The following ZBTB20 variants were observed in gnomAD, a reference collection of about 807,000 sequenced individuals.
ZBTB20 encodes the protein zinc finger and BTB domain containing 20.
ZBTB20 carries 9 observed loss-of-function variants against 56.9 expected under a neutral mutation model. The observed-to-expected ratio is 0.16, with a 90% CI of 0.10 to 0.28. The LOEUF (loss-of-function observed/expected upper bound fraction) is 0.28, where lower values mean the gene tolerates loss of function less well. Ranked by LOEUF, ZBTB20 falls within the 10% of genes least tolerant of loss-of-function variation. ZBTB20 has a pLI of 1.00. For missense variants in ZBTB20, 655 were observed against 1,003.0 expected (o/e 0.65, Z 4.69); for synonymous variants, 417 against 420.7 (o/e 0.99, Z 0.11).
At chr3:114,771,352 T>C (rs553488925) in intron 5 of ZBTB20, among the ~76,000 whole-genome samples, 2 of 152,294 alleles carry the variant, frequency 1.3e-5, no homozygotes, top group South Asian at 4.1e-4. Context: ...ATTAGATTTA[T>C]TAAATAACTA....
rs150447469 is a variant in ZBTB20 at position 115,061,142 on chromosome 3, A to G, written c.-507+10077T>C. On this transcript the variant is annotated intron_variant, in intron 2 of 11. Coordinates refer to ENST00000675478, the MANE Select transcript of ZBTB20 (RefSeq NM_001348800.3). ...CAGCAGTGTGGCTTGAAAAAGATAT[A>G]TTTACTTTCAGTTAACACATCTATA... Among the ~76,000 whole-genome samples, 106 of 152,216 alleles carry G rather than the reference A, an allele frequency of 7.0e-4. 2 individuals carry two copies. The East Asian group carries it at 0.016, about 23-fold the overall frequency.
At chr3:114,845,841 A>AT (rs1260940317) in intron 4 of ZBTB20, among the ~76,000 whole-genome samples, 1 of 152,178 alleles carries the variant, frequency 6.6e-6, no homozygotes, top group Non-Finnish European at 1.5e-5. Context: ...TTGGGCAGTG[A>AT]TTTTTTAATG....
At chr3:114,969,377 C>T (rs1225671174) in intron 3 of ZBTB20, among the ~76,000 whole-genome samples, 1 of 151,990 alleles carries the variant, frequency 6.6e-6, no homozygotes, top group Admixed American at 6.5e-5. Context: ...ACTGATACAT[C>T]GATCCTTGAA....
chr3:114,495,452 TACACACACAC>T (rs35156549), intron 7 of ZBTB20, among the ~76,000 whole-genome samples: 61 of 149,126 alleles, frequency 4.1e-4, no homozygotes, highest in Admixed American at 1.0e-3. Context: ...AGTCTGTGTA[TACACACACAC>T]ACACACACAC....
At chr3:114,976,941 C>G (rs2078126132) in intron 2 of ZBTB20, among the ~76,000 whole-genome samples, 1 of 151,778 alleles carries the variant, frequency 6.6e-6, no homozygotes, top group South Asian at 2.1e-4. Context: ...AAAAAGTCAC[C>G]ATCTTTCGTA....
chr3:114,877,981 T>C (rs1199526115), intron 4 of ZBTB20, among the ~76,000 whole-genome samples: 4 of 152,172 alleles, frequency 2.6e-5, no homozygotes. Context: ...TTGTTTCAGA[T>C]ATACCAGGCT....
At chr3:114,770,200 G>A (rs1048879491) in intron 5 of ZBTB20, among the ~76,000 whole-genome samples, 1 of 150,618 alleles carries the variant, frequency 6.6e-6, no homozygotes, top group Non-Finnish European at 1.5e-5. Flanking sequence ...CGCCACTAAA[G>A]AACTTACTCG....
At chr3:114,858,236 T>C (rs1401168576) in intron 4 of ZBTB20, among the ~76,000 whole-genome samples, 1 of 152,176 alleles carries the variant, frequency 6.6e-6, no homozygotes, top group Non-Finnish European at 1.5e-5. Flanking sequence ...GTTATATCCC[T>C]AAAAACGATT....
chr3:114,587,792 T>A (rs985472930), intron 6 of ZBTB20, among the ~76,000 whole-genome samples: 2 of 152,180 alleles, frequency 1.3e-5, no homozygotes, highest in African/African-American at 4.8e-5. Flanking sequence ...AACATTTCAG[T>A]CTGGAAATAC....
intron 6 of ZBTB20, among the ~76,000 whole-genome samples, chr3:114,568,455 G>A (rs1208184554): frequency 1.3e-5 from 2 of 152,164 alleles, no homozygotes; most frequent in Non-Finnish European, 2.9e-5. Flanking sequence ...GCTATAAAAT[G>A]CTTAATACAG....
At chr3:114,865,541 A>T (rs612019) in intron 4 of ZBTB20, among the ~76,000 whole-genome samples, 2 of 152,128 alleles carry the variant, frequency 1.3e-5, no homozygotes, top group South Asian at 4.1e-4. Context: ...CACCTCCTAT[A>T]CATGGATTTG....
intron 6 of ZBTB20, among the ~76,000 whole-genome samples, chr3:114,609,797 G>T (rs1450748856): frequency 6.6e-6 from 1 of 152,106 alleles, no homozygotes; most frequent in Non-Finnish European, 1.5e-5. Context: ...GACAGCATCA[G>T]GACAGCATTA....
At chr3:115,147,105 A>T (rs1405360034) in intron 1 of ZBTB20, 114 bp downstream of exon 1, 20 of 19,874 alleles carry the variant, frequency 1.0e-3, no homozygotes, top group African/African-American at 3.5e-3. Context: ...CCTCCTTCCC[A>T]GTCCCGCCGC....
intron 11 of ZBTB20, among the ~76,000 whole-genome samples, chr3:114,349,780 T>C (rs1336082799): frequency 1.3e-5 from 2 of 152,222 alleles, no homozygotes; most frequent in Non-Finnish European, 1.5e-5. Context: ...TATTAATTTA[T>C]TCTCAAAACA....
intron 3 of ZBTB20, among the ~76,000 whole-genome samples, chr3:114,939,392 T>G (rs2076655962): frequency 6.8e-6 from 1 of 146,396 alleles, no homozygotes; most frequent in South Asian, 2.1e-4. Flanking sequence ...AAAACTTATA[T>G]TTTAAGTAAA....
chr3:114,847,047 T>A (rs2107374668), intron 4 of ZBTB20, among the ~76,000 whole-genome samples: 1 of 152,314 alleles, frequency 6.6e-6, no homozygotes, highest in Non-Finnish European at 1.5e-5. Context: ...AAAGTATATT[T>A]AGTGATCTGA....
chr3:114,671,799 G>A (rs1294843776), intron 6 of ZBTB20, among the ~76,000 whole-genome samples: 1 of 152,046 alleles, frequency 6.6e-6, no homozygotes, highest in East Asian at 1.9e-4. Flanking sequence ...CATACCTAAG[G>A]AGTACATGCA....
chr3:114,809,183 G>A (rs2072336198), intron 4 of ZBTB20, among the ~76,000 whole-genome samples: 1 of 151,872 alleles, frequency 6.6e-6, no homozygotes, highest in Admixed American at 6.6e-5. Flanking sequence ...CCAACATGGA[G>A]TTTTTGTGCT....
intron 1 of ZBTB20, among the ~76,000 whole-genome samples, chr3:115,076,575 C>A (rs1030495410): frequency 9.9e-5 from 15 of 152,086 alleles, no homozygotes; most frequent in African/African-American, 3.4e-4. Flanking sequence ...AAATGTAAGA[C>A]CTGAAACTAA....
Sources: allele counts gnomAD v4.1 joint callset (sites outside exome capture counted in the v4.1 genomes callset), GRCh38; gene constraint gnomAD v4.1.1; transcripts MANE v1.5; gene names NCBI Gene and HGNC (gene_info 2026-07-23, HGNC 2026-07-21).